Variants in DOCK4 observed in about 807,000 individuals in gnomAD.
DOCK4 encodes dedicator of cytokinesis 4.
In DOCK4, 97 loss-of-function variants were observed where a neutral mutation model predicts 268.1. The ratio of observed to expected loss-of-function variants is 0.36; its 90% CI spans 0.31 to 0.43. The LOEUF is 0.43. DOCK4 is among the 20% of genes least tolerant of loss of function. The pLI is 1.00. For synonymous variants in DOCK4, 954 were observed against 887.2 expected, an observed-to-expected ratio of 1.08 and a Z score of -1.34; for missense variants, 2,145 against 2,455.7, an observed-to-expected ratio of 0.87 and a Z score of 2.67.
At chr7:112,057,609 C>CA (rs1805949119) in intron 1 of DOCK4, among the ~76,000 whole-genome samples, 2 of 149,170 alleles carry the variant, frequency 1.3e-5, no homozygotes, top group Non-Finnish European at 3.0e-5. Flanking sequence ...CTTATCCTTG[C>CA]AAAAAAAATT....
Position 111,893,409 on chromosome 7 carries a change from T to C in DOCK4, c.1587+2203A>G, listed in dbSNP as rs182634645. On this transcript the variant is annotated intron_variant, in intron 16 of 52. Transcript: ENST00000428084. Reference sequence around the variant, plus strand: ...TAGGTGACAGGGTCCAGATGGGATATACTATGTAGAAGTGATTCATTCTTT... The same window carrying C: ...TAGGTGACAGGGTCCAGATGGGATACACTATGTAGAAGTGATTCATTCTTT... 3.9e-5 allele frequency among the ~76,000 whole-genome samples: 6 copies of C among 152,312 alleles called. No homozygotes were observed. The East Asian group carries it at 1.2e-3, about 29-fold the overall frequency.
At chr7:111,877,555 A>G (rs1807007340) in intron 16 of DOCK4, among the ~76,000 whole-genome samples, 2 of 152,362 alleles carry the variant, frequency 1.3e-5, no homozygotes, top group East Asian at 3.9e-4. Context: ...TCAATAAATC[A>G]TATTTGCAGT....
At chr7:111,816,696 G>GT (rs1161716965) in intron 27 of DOCK4, among the ~76,000 whole-genome samples, 1 of 152,200 alleles carries the variant, frequency 6.6e-6, no homozygotes, top group African/African-American at 2.4e-5. Flanking sequence ...GCAGAGACTA[G>GT]TAAGTGTATG....
intron 16 of DOCK4, among the ~76,000 whole-genome samples, chr7:111,889,781 AC>A (rs1808142744): frequency 1.3e-5 from 2 of 152,152 alleles, no homozygotes. Flanking sequence ...TCCCTCTCCA[AC>A]CAGGAAACAG....
At chr7:111,883,501 CTG>C (rs1243610403) in intron 16 of DOCK4, among the ~76,000 whole-genome samples, 51 of 152,292 alleles carry the variant, frequency 3.3e-4, no homozygotes, top group African/African-American at 8.7e-4. Flanking sequence ...AATTCTGCCC[CTG>C]TAAACATATC....
At chr7:111,760,414 C>G in intron 39 of DOCK4, 92 bp from the exon 40 acceptor site, 1 of 1,324,132 alleles carries the variant, frequency 7.6e-7, no homozygotes, top group Non-Finnish European at 1.1e-6. Flanking sequence ...TAACTGACCA[C>G]ATGCCCCATA....
At chr7:111,949,006 A>G (rs1439661358) in intron 8 of DOCK4, among the ~76,000 whole-genome samples, 4 of 152,156 alleles carry the variant, frequency 2.6e-5, no homozygotes, top group Non-Finnish European at 5.9e-5. Flanking sequence ...TACTTAGTCG[A>G]AACTGCTAAG....
intron 36 of DOCK4, among the ~76,000 whole-genome samples, chr7:111,772,704 G>T (rs1798198464): frequency 6.6e-6 from 1 of 152,168 alleles, no homozygotes; most frequent in Admixed American, 6.5e-5. Flanking sequence ...GCTGAGGCAG[G>T]TGAATCACTT....
intron 1 of DOCK4, among the ~76,000 whole-genome samples, chr7:112,049,862 A>T (rs1805188215): frequency 6.6e-6 from 1 of 152,184 alleles, no homozygotes; most frequent in South Asian, 2.1e-4. Context: ...CGTCTCTATC[A>T]AGTCAGATGT....
intron 39 of DOCK4, among the ~76,000 whole-genome samples, chr7:111,762,758 T>TTTTGTTTTC (rs1563469353): frequency 3.4e-4 from 37 of 108,732 alleles, no homozygotes; most frequent in African/African-American, 1.3e-3. Flanking sequence ...TTTTGTTTTG[T>TTTTGTTTTC]TTTCTTTTTT....
intron 1 of DOCK4, among the ~76,000 whole-genome samples, chr7:112,141,769 A>G (rs1175108030): frequency 6.6e-6 from 1 of 152,194 alleles, no homozygotes; most frequent in Non-Finnish European, 1.5e-5. Context: ...TCTGTTGGAC[A>G]ATAAATGACA....
chr7:112,120,004 C>A (rs1354292207), intron 1 of DOCK4, among the ~76,000 whole-genome samples: 1 of 152,026 alleles, frequency 6.6e-6, no homozygotes, highest in Non-Finnish European at 1.5e-5. Context: ...CCCACCACCA[C>A]AACAGGCTAA....
chr7:112,046,098 C>T (rs11981032), intron 1 of DOCK4, among the ~76,000 whole-genome samples: 7,146 of 152,242 alleles, frequency 0.047, 227 homozygotes, highest in Non-Finnish European at 0.075. Context: ...CAACTCAAAA[C>T]ATCCTTATCA....
At chr7:111,834,891 G>A (rs184744842) in intron 25 of DOCK4, among the ~76,000 whole-genome samples, 60 of 151,366 alleles carry the variant, frequency 4.0e-4, no homozygotes, top group East Asian at 2.7e-3. Flanking sequence ...TTATTTACTT[G>A]GTATTCACAA....
At chr7:112,066,621 T>C in intron 1 of DOCK4, among the ~76,000 whole-genome samples, 1 of 123,918 alleles carries the variant, frequency 8.1e-6, no homozygotes, top group African/African-American at 3.8e-5. Context: ...TATACATATA[T>C]ACGTGTATAT....
intron 1 of DOCK4, among the ~76,000 whole-genome samples, chr7:112,027,176 G>A (rs1802873530): frequency 1.3e-5 from 2 of 152,166 alleles, no homozygotes; most frequent in Admixed American, 6.5e-5. Flanking sequence ...AAAAGGAACT[G>A]TGTGTAGAGA....
In DOCK4 at chr7:111,760,463, A is replaced by C. The variant is rs894160013; in HGVS notation, c.4021-141T>G. On this transcript the variant is annotated intron_variant, in intron 39 of 52. Coordinates refer to ENST00000428084, the MANE Select transcript of DOCK4 (RefSeq NM_001363540.2). Reference sequence around the variant, plus strand: ...ACAAAAATTACGCTGGAACAATCTGAAAAGTTTGCCCAATTGTTAAAAATG... The same window carrying C: ...ACAAAAATTACGCTGGAACAATCTGCAAAGTTTGCCCAATTGTTAAAAATG... 10 of 883,336 alleles carry C rather than the reference A, an allele frequency of 1.1e-5. No homozygotes were observed. The African/African-American group carries it at 1.5e-4, about 13-fold the overall frequency. The allele number at this position is 883,336 out of a possible 1,614,324, so 54.7% of individuals were successfully genotyped here. A position where few individuals can be genotyped will look rare whatever the true frequency, so the allele number is the denominator to read the frequency against.
chr7:111,943,407 C>A (rs1010062853), intron 10 of DOCK4, among the ~76,000 whole-genome samples: 1 of 152,170 alleles, frequency 6.6e-6, no homozygotes, highest in African/African-American at 2.4e-5. Flanking sequence ...CCATAGATAT[C>A]TTGGAGAAAG....
chr7:112,101,439 T>C (rs1011118484), intron 1 of DOCK4, among the ~76,000 whole-genome samples: 5 of 152,206 alleles, frequency 3.3e-5, no homozygotes, highest in Non-Finnish European at 7.3e-5. Flanking sequence ...TCAAGTACTT[T>C]TATGGCAAAA....
Sources: allele counts gnomAD v4.1 joint callset (sites outside exome capture counted in the v4.1 genomes callset), GRCh38; gene constraint gnomAD v4.1.1; transcripts MANE v1.5; gene names NCBI Gene and HGNC (gene_info 2026-07-23, HGNC 2026-07-21).